The following MAF variants were observed in gnomAD, a reference collection of about 807,000 sequenced individuals.
The protein encoded by MAF is transcription factor Maf.
MAF carries 10 observed loss-of-function variants against 22.0 expected under a neutral mutation model. The observed-to-expected ratio is 0.45, with a 90% CI of 0.28 to 0.77. MAF has a LOEUF of 0.77. Among genes scored for constraint, MAF ranks in the 30% least tolerant of loss-of-function variants. The pLI is 0.12. For synonymous variants in MAF, 337 were observed against 255.8 expected (o/e 1.32, Z -3.03); for missense variants, 544 against 548.4 (o/e 0.99, Z 0.08).
chr16:79,212,229 C>T, the MAF span: 1 of 1,379,494 alleles, frequency 7.2e-7, no homozygotes, highest in Non-Finnish European at 9.5e-7. Flanking sequence ...GTGTTCACTG[C>T]TCCTTGCTGC....
At chr16:79,410,018 G>T in the MAF span, among the ~76,000 whole-genome samples, 1 of 152,104 alleles carries the variant, frequency 6.6e-6, no homozygotes, top group African/African-American at 2.4e-5. Context: ...AGCTTAATAG[G>T]TACACAAGAT....
At chr16:79,251,807 C>T in the MAF span, among the ~76,000 whole-genome samples, 3 of 152,122 alleles carry the variant, frequency 2.0e-5, no homozygotes, top group Non-Finnish European at 4.4e-5. Context: ...ATCTATTCTC[C>T]GATTTGCCTG....
chr16:79,579,118 C>T, the MAF span, among the ~76,000 whole-genome samples: 9 of 152,252 alleles, frequency 5.9e-5, no homozygotes, highest in African/African-American at 2.2e-4. Context: ...GTCTTCCAAG[C>T]TAAGGAGCCC....
At chr16:79,487,723 A>T in the MAF span, among the ~76,000 whole-genome samples, 4 of 152,164 alleles carry the variant, frequency 2.6e-5, no homozygotes, top group African/African-American at 4.8e-5. Flanking sequence ...GTCCACATAG[A>T]CCTAATGCTT....
the MAF span, among the ~76,000 whole-genome samples, chr16:79,294,162 C>CT: frequency 6.6e-6 from 1 of 152,188 alleles, no homozygotes; most frequent in Admixed American, 6.5e-5. Flanking sequence ...ATCTCAGCTT[C>CT]TTTGGGGATA....
chr16:79,464,228 G>C, the MAF span, among the ~76,000 whole-genome samples: 1 of 152,132 alleles, frequency 6.6e-6, no homozygotes, highest in African/African-American at 2.4e-5. Flanking sequence ...GCAGACACCA[G>C]GGATAATGAC....
chr16:79,437,587 C>G, the MAF span, among the ~76,000 whole-genome samples: 3 of 152,116 alleles, frequency 2.0e-5, no homozygotes, highest in African/African-American at 7.2e-5. Flanking sequence ...CCCAAGGAGG[C>G]CTGTGTGCCC....
At chr16:79,282,184 A>G in the MAF span, among the ~76,000 whole-genome samples, 1 of 152,190 alleles carries the variant, frequency 6.6e-6, no homozygotes, top group East Asian at 1.9e-4. Flanking sequence ...AGAAATGCCA[A>G]TTAGGAAGCC....
chr16:79,439,728 G>A, the MAF span, among the ~76,000 whole-genome samples: 7 of 152,318 alleles, frequency 4.6e-5, no homozygotes, highest in East Asian at 5.8e-4. Context: ...CACAGTAAGA[G>A]TGAGGACAGA....
the MAF span, among the ~76,000 whole-genome samples, chr16:79,526,940 G>A: frequency 6.6e-6 from 1 of 152,146 alleles, no homozygotes; most frequent in Non-Finnish European, 1.5e-5. Flanking sequence ...AAATAGAATT[G>A]ATTTGATTGT....
At chr16:79,236,094 G>A in the MAF span, among the ~76,000 whole-genome samples, 40 of 152,050 alleles carry the variant, frequency 2.6e-4, 2 homozygotes, top group Non-Finnish European at 4.9e-4. Flanking sequence ...TGGCTGGTGG[G>A]CCTCTGGAGT....
At chr16:79,413,865 G>C in the MAF span, among the ~76,000 whole-genome samples, 1 of 152,194 alleles carries the variant, frequency 6.6e-6, no homozygotes, top group Non-Finnish European at 1.5e-5. Flanking sequence ...CATTCGAGAA[G>C]AAAGATTGGC....
the MAF span, among the ~76,000 whole-genome samples, chr16:79,557,221 T>C: frequency 6.6e-6 from 1 of 152,030 alleles, no homozygotes; most frequent in African/African-American, 2.4e-5. Context: ...CTTGGGCTGC[T>C]GGGGGAGAGC....
chr16:79,385,995 T>G, the MAF span, among the ~76,000 whole-genome samples: 118 of 152,340 alleles, frequency 7.7e-4, no homozygotes, highest in African/African-American at 2.8e-3. Context: ...TCTTAGGCTC[T>G]GAGGGTTGGA....
the MAF span, among the ~76,000 whole-genome samples, chr16:79,373,531 T>G: frequency 6.6e-6 from 1 of 151,764 alleles, no homozygotes; most frequent in Non-Finnish European, 1.5e-5. Context: ...TGCAGGCATG[T>G]GCCACCACAC....
At chr16:79,515,955 C>CTTTT in the MAF span, 1 of 94,134 alleles carries the variant, frequency 1.1e-5, no homozygotes, top group African/African-American at 3.5e-5. Context: ...AAAATTAAGC[C>CTTTT]TTTTTTTTTT....
the MAF span, among the ~76,000 whole-genome samples, chr16:79,388,250 C>G: frequency 3.4e-4 from 37 of 110,290 alleles, no homozygotes; most frequent in African/African-American, 1.3e-3. Context: ...ATGTGGCCCG[C>G]GGATAAATAG....
chr16:79,412,139 C>G, the MAF span, among the ~76,000 whole-genome samples: 78 of 152,300 alleles, frequency 5.1e-4, no homozygotes, highest in African/African-American at 1.8e-3. Context: ...TTAAGATTCA[C>G]AGGCCTGTGA....
At chr16:79,520,356 T>C in the MAF span, among the ~76,000 whole-genome samples, 877 of 152,116 alleles carry the variant, frequency 5.8e-3, 10 homozygotes, top group African/African-American at 0.02. Flanking sequence ...ACATTTCCCA[T>C]CTCCTCTGCA....
Sources: gnomAD v4.1 joint callset for allele counts (sites outside exome capture counted in the v4.1 genomes callset) on GRCh38, gnomAD v4.1.1 for gene constraint, MANE v1.5 for transcripts, NCBI Gene and HGNC (gene_info 2026-07-23, HGNC 2026-07-21) for gene names.